The following FAM180A variants were observed in gnomAD, a reference collection of about 807,000 sequenced individuals.
FAM180A encodes the protein protein FAM180A.
A neutral mutation model predicts 15.3 loss-of-function variants in FAM180A; 14 were observed. That is an observed-to-expected ratio of 0.92 (90% CI 0.61 to 1.43). The LOEUF is 1.43. Among genes scored for constraint, FAM180A ranks in the 40% most tolerant of loss-of-function variants. The pLI, the probability that FAM180A is intolerant of heterozygous loss-of-function variation, is 0.00. For synonymous variants in FAM180A, 90 were observed against 96.8 expected (o/e 0.93, Z 0.41); for missense variants, 200 against 220.8 (o/e 0.91, Z 0.60).
chr7:135,742,424 T>C (rs562018009), intron 1 of FAM180A, among the ~76,000 whole-genome samples: 33 of 152,314 alleles, frequency 2.2e-4, no homozygotes, highest in African/African-American at 7.7e-4. Flanking sequence ...TCCTACATTT[T>C]AGAAAATCTT....
intron 1 of FAM180A, among the ~76,000 whole-genome samples, chr7:135,747,543 G>A (rs1012206754): frequency 1.3e-5 from 2 of 151,920 alleles, no homozygotes; most frequent in South Asian, 2.1e-4. Context: ...CTTCTCTCGC[G>A]CTGCTCTATC....
chr7:135,737,883 A>C (rs963156429), intron 1 of FAM180A, among the ~76,000 whole-genome samples: 2 of 152,264 alleles, frequency 1.3e-5, no homozygotes, highest in African/African-American at 2.4e-5. Context: ...AAAATAAAGC[A>C]AAGTAGAAAT....
intron 3 of FAM180A, among the ~76,000 whole-genome samples, chr7:135,733,342 A>C (rs556270807): frequency 4.6e-5 from 7 of 151,816 alleles, no homozygotes; most frequent in African/African-American, 1.7e-4. Context: ...CTCTTTTTTA[A>C]ATTTATTTTT....
At chr7:135,739,732 G>T (rs1796919828) in intron 1 of FAM180A, among the ~76,000 whole-genome samples, 1 of 149,100 alleles carries the variant, frequency 6.7e-6, no homozygotes, top group Non-Finnish European at 1.5e-5. Context: ...TTCCTGAAAA[G>T]CTCACTGGTA....
chr7:135,736,165 G>GGCACGT (rs1308455055), intron 2 of FAM180A, among the ~76,000 whole-genome samples: 2 of 151,860 alleles, frequency 1.3e-5, no homozygotes, highest in African/African-American at 4.8e-5. Flanking sequence ...TGGGATTACA[G>GGCACGT]GCACGTGCCA....
Position 135,733,924 on chromosome 7 carries a change from C to G in FAM180A, c.*51G>C. 6.6e-7 allele frequency: 1 copy of G among 1,510,428 alleles called. No individual in the cohort carries two copies. The highest frequency in any genetic ancestry group is 8.8e-7 in the Non-Finnish European group (1 of 1,130,836). 93.6% of individuals were successfully genotyped at this position (1,510,428 alleles called of 1,614,324 possible). A position where few individuals can be genotyped will look rare whatever the true frequency, so the allele number is the denominator to read the frequency against. On this transcript the variant is annotated 3_prime_UTR_variant, in exon 3 of 4. Coordinates refer to ENST00000338588, the MANE Select transcript of FAM180A (RefSeq NM_205855.4). ...AAATGGAGTAGAGAATGAAGACTTT[C>G]TGGATTACTGTGCTGGTCCCTGCTC...
rs1261507340 is a variant in FAM180A, at chr7:135,733,863, T to C, written c.*112A>G. 6 of 1,439,896 alleles carry C rather than the reference T, an allele frequency of 4.2e-6. No individual in the cohort carries two copies. The highest frequency in any genetic ancestry group is 5.5e-6 in the Non-Finnish European group (6 of 1,097,994). 89.2% of individuals were successfully genotyped at this position (1,439,896 alleles called of 1,614,324 possible). ...GGTTACTGTTTGATCTCTGCTGCTC[T>C]GTGTCAGCGGTAAGAGTTTTGTTGC... On this transcript the variant is annotated 3_prime_UTR_variant, in exon 3 of 4. Coordinates refer to ENST00000338588, the MANE Select transcript of FAM180A (RefSeq NM_205855.4).
At chr7:135,733,276 C>T (rs961272648) in intron 3 of FAM180A, among the ~76,000 whole-genome samples, 9 of 152,146 alleles carry the variant, frequency 5.9e-5, no homozygotes, top group African/African-American at 1.4e-4. Context: ...CCCTTAGGAC[C>T]GAAGGAATCT....
chr7:135,741,328 G>A (rs1395098615), intron 1 of FAM180A, among the ~76,000 whole-genome samples: 1 of 152,150 alleles, frequency 6.6e-6, no homozygotes, highest in Non-Finnish European at 1.5e-5. Context: ...AATGGCTATT[G>A]CTTTAAAATG....
In FAM180A at chr7:135,734,112, T is replaced by C. The variant is rs1323747007; in HGVS notation, c.385A>G (p.Thr129Ala). ...KKEDFERTVL[T>A]LAYTAYRTAL... is the part of the protein sequence containing the mutation. The stretch of plus-strand genomic sequence containing the variant: ...GTGCGGTAGGCTGTGTAGGCCAGGG[T>C]CAGCACTGTCCTTTCAAAGTCTTCT... Residue 129 changes from threonine (T) to alanine (A), a missense_variant, in exon 3 of 4, where the codon ACC becomes GCC. Coordinates refer to ENST00000338588, the MANE Select transcript of FAM180A (RefSeq NM_205855.4). 3.7e-6 allele frequency: 6 copies of C among 1,613,984 alleles called. No individual in the cohort carries two copies. Among genetic ancestry groups the C allele is most frequent in the Non-Finnish European group, 5.1e-6 (6 of 1,180,022 alleles).
chr7:135,740,157 G>C (rs191456445), intron 1 of FAM180A, among the ~76,000 whole-genome samples: 10 of 152,202 alleles, frequency 6.6e-5, no homozygotes, highest in African/African-American at 2.4e-4. Context: ...AATGCCTGTA[G>C]TGTCAGGTGG....
rs1363637181 is a variant in FAM180A, at chr7:135,736,348, G to T, written c.177+751C>A. On this transcript the variant is annotated intron_variant, in intron 2 of 3. Coordinates refer to ENST00000338588, the MANE Select transcript of FAM180A (RefSeq NM_205855.4). ...CAACCAGCTGTCTCTTTCTTAACCA[G>T]ACAGTCCTAGTGCATGGAGTCAGAG... 3.3e-5 allele frequency among the ~76,000 whole-genome samples: 5 copies of T among 152,210 alleles called. No individual in the cohort carries two copies. The East Asian group carries it at 9.6e-4, about 29-fold the overall frequency.
intron 2 of FAM180A, among the ~76,000 whole-genome samples, chr7:135,736,540 T>C (rs764593235): frequency 6.6e-6 from 1 of 152,210 alleles, no homozygotes; most frequent in Non-Finnish European, 1.5e-5. Context: ...ATCATAACAC[T>C]GAACCAATCT....
At chr7:135,741,085 T>C (rs6467605) in intron 1 of FAM180A, among the ~76,000 whole-genome samples, 98,579 of 152,022 alleles carry the variant, frequency 0.65, 32,617 homozygotes, top group African/African-American at 0.79. Flanking sequence ...GGAAGTTATT[T>C]ATGATCTTAG....
At position 135,733,904 on chromosome 7, in the gene FAM180A, G is replaced by A. The variant is rs1479971684; in HGVS notation, c.*71C>T. On this transcript the variant is annotated 3_prime_UTR_variant, in exon 3 of 4. Transcript: ENST00000338588. ...GTTTTGTTGCTGGTCTCTGTAAATG[G>A]AGTAGAGAATGAAGACTTTCTGGAT... 2 of 1,483,078 alleles carry A rather than the reference G, an allele frequency of 1.3e-6. No homozygotes were observed. Among genetic ancestry groups the A allele is most frequent in the African/African-American group, 2.8e-5 (2 of 71,152 alleles). 91.9% of individuals were successfully genotyped at this position (1,483,078 alleles called of 1,614,324 possible). A position where few individuals can be genotyped will look rare whatever the true frequency, so the allele number is the denominator to read the frequency against.
At chr7:135,747,999 G>C (rs1393926302) in intron 1 of FAM180A, among the ~76,000 whole-genome samples, 1 of 152,152 alleles carries the variant, frequency 6.6e-6, no homozygotes, top group Non-Finnish European at 1.5e-5. Context: ...GGAGGTTGAA[G>C]GGTTGCTCTC....
At chr7:135,735,757 C>T (rs942554302) in intron 2 of FAM180A, among the ~76,000 whole-genome samples, 20 of 152,254 alleles carry the variant, frequency 1.3e-4, no homozygotes, top group African/African-American at 3.9e-4. Flanking sequence ...GGCTGGAGTA[C>T]GGTGGTGCGA....
intron 1 of FAM180A, among the ~76,000 whole-genome samples, chr7:135,738,255 G>A (rs1444253439): frequency 1.3e-5 from 2 of 152,188 alleles, no homozygotes; most frequent in Non-Finnish European, 2.9e-5. Flanking sequence ...GCAGTGGCAC[G>A]ATCTTGGCTC....
intron 1 of FAM180A, among the ~76,000 whole-genome samples, chr7:135,739,039 G>A (rs1311176545): frequency 6.6e-6 from 1 of 152,226 alleles, no homozygotes; most frequent in Non-Finnish European, 1.5e-5. Flanking sequence ...GCTGGGCGCT[G>A]TGGCTCATGC....
Sources: allele counts gnomAD v4.1 joint callset (sites outside exome capture counted in the v4.1 genomes callset), GRCh38; gene constraint gnomAD v4.1.1; transcripts MANE v1.5; gene names NCBI Gene and HGNC (gene_info 2026-07-23, HGNC 2026-07-21).